The following CEACAM5 variants were observed in gnomAD, a reference collection of about 807,000 sequenced individuals.
CEACAM5 encodes the protein CEA cell adhesion molecule 5.
CEACAM5 carries 52 observed loss-of-function variants against 63.0 expected under a neutral mutation model. The ratio of observed to expected loss-of-function variants is 0.83; its 90% CI spans 0.66 to 1.04. CEACAM5 has a LOEUF of 1.04. Ranked by LOEUF, CEACAM5 falls within the 50% of genes least tolerant of loss-of-function variation. The pLI is 0.00. For missense variants in CEACAM5, 790 were observed against 864.8 expected, an observed-to-expected ratio of 0.91 and a Z score of 1.08; for synonymous variants, 357 against 351.3, an observed-to-expected ratio of 1.02 and a Z score of -0.18.
chr19:41,720,409 C>T (rs1448801744), intron 7 of CEACAM5, among the ~76,000 whole-genome samples: 1 of 152,034 alleles, frequency 6.6e-6, no homozygotes, highest in Non-Finnish European at 1.5e-5. Context: ...CTGCTCCTGT[C>T]CTAGGAGGCT....
chr19:41,730,159 G>A lies in CEACAM5; in HGVS notation c.*1012G>A, dbSNP rs1183083555. On this transcript the variant is annotated 3_prime_UTR_variant, in exon 10 of 10. Transcript: ENST00000221992. ...GTGTGGGCCGGGCGCGGTGGCTCAC[G>A]CCTGTAATCCCAGCACTTTGATCCG... Among the ~76,000 whole-genome samples the A allele has an allele frequency of 6.6e-6, 1 of 152,148 alleles. No individual in the cohort carries two copies. Among genetic ancestry groups the A allele is most frequent in the Non-Finnish European group, 1.5e-5 (1 of 68,024 alleles).
chr19:41,717,854 C>A (rs2072552627), intron 5 of CEACAM5, 121 bp downstream of exon 5: 2 of 1,298,676 alleles, frequency 1.5e-6, no homozygotes, highest in Non-Finnish European at 2.2e-6. Flanking sequence ...GACATCCAGG[C>A]TGGCCCTACC....
intron 8 of CEACAM5, among the ~76,000 whole-genome samples, chr19:41,724,849 A>G (rs1276835750): frequency 6.6e-6 from 1 of 152,124 alleles, no homozygotes; most frequent in Non-Finnish European, 1.5e-5. Context: ...TTATTTATTA[A>G]CTCTAACAAG....
chr19:41,712,258 G>A (rs1422618170), intron 2 of CEACAM5, among the ~76,000 whole-genome samples: 2 of 152,228 alleles, frequency 1.3e-5, no homozygotes, highest in Non-Finnish European at 2.9e-5. Flanking sequence ...GGCAGGTGCT[G>A]TCTGATAGGT....
At chr19:41,709,524 C>T (rs1489406173) in intron 1 of CEACAM5, among the ~76,000 whole-genome samples, 156 bp from the exon 2 acceptor site, 1 of 142,826 alleles carries the variant, frequency 7.0e-6, no homozygotes, top group Non-Finnish European at 1.5e-5. Context: ...CACTGCTGAC[C>T]TTGACCTAGT....
intron 4 of CEACAM5, 133 bp downstream of exon 4, chr19:41,716,037 T>C (rs547636501): frequency 2.0e-6 from 2 of 990,908 alleles, no homozygotes; most frequent in Admixed American, 4.6e-5. Flanking sequence ...ATTCTCCCAC[T>C]GAACCTCCCC....
At chr19:41,713,673 G>T (rs2072472590) in intron 2 of CEACAM5, among the ~76,000 whole-genome samples, 1 of 152,194 alleles carries the variant, frequency 6.6e-6, no homozygotes, top group Non-Finnish European at 1.5e-5. Context: ...GAATCCTACA[G>T]TATCTGCCCT....
intron 8 of CEACAM5, among the ~76,000 whole-genome samples, chr19:41,722,717 C>T (rs1007750595): frequency 2.0e-5 from 3 of 152,232 alleles, no homozygotes; most frequent in Non-Finnish European, 4.4e-5. Flanking sequence ...GGATACACCT[C>T]ATTTTTCTAT....
chr19:41,721,012 C>T lies in CEACAM5; in HGVS notation c.1862C>T (p.Pro621Leu). The T allele has an allele frequency of 1.9e-6, 3 of 1,614,194 alleles. No homozygotes were observed. The highest frequency in any genetic ancestry group is 2.5e-6 in the Non-Finnish European group (3 of 1,180,046). ...CTCTCCTGCCACTCGGCCTCTAACC[C>T]ATCCCCGCAGTATTCTTGGCGTATC... ...LNLSCHSASN[P>L]SPQYSWRING... Residue 621 changes from proline to leucine, a missense_variant, in exon 8 of 10, where the codon CCA (proline) becomes CTA (leucine). Transcript: ENST00000221992.
rs782317994 is a variant in CEACAM5 at position 41,708,731 on chromosome 19, C to A, written c.-1C>A. 6.2e-7 allele frequency: 1 copy of A among 1,610,118 alleles called. No individual in the cohort carries two copies. Among genetic ancestry groups the A allele is most frequent in the South Asian group, 1.1e-5 (1 of 90,544 alleles). On this transcript the variant is annotated 5_prime_UTR_variant, in exon 1 of 10. Transcript: ENST00000221992. ...GGAGGACAGAGCAGACAGCAGAGAC[C>A]ATGGAGTCTCCCTCGGCCCCTCCCC... is the stretch of plus-strand genomic sequence containing the variant.
Position 41,717,621 on chromosome 19 carries a change from C to T in CEACAM5, c.1125C>T (p.Asn375=), listed in dbSNP as rs1555815279. ...CCAGGCTGCAGCTGTCCAATGACAA[C>T]AGGACCCTCACTCTACTCAGTGTCA... ...VSPRLQLSND[N]RTLTLLSVTR... The change falls in exon 5 of 10, where the codon AAC becomes AAT. Residue 375 remains asparagine (N), a synonymous_variant. Coordinates refer to ENST00000221992, the MANE Select transcript of CEACAM5 (RefSeq NM_004363.6). 1.9e-6 allele frequency: 3 copies of T among 1,614,106 alleles called. No individual in the cohort carries two copies. In the South Asian group the frequency reaches 3.3e-5, roughly 18 times the overall value.
chr19:41,723,081 T>A (rs1347813046), intron 8 of CEACAM5, among the ~76,000 whole-genome samples: 4 of 152,092 alleles, frequency 2.6e-5, no homozygotes, highest in Admixed American at 6.5e-5. Flanking sequence ...CTAATTTTTT[T>A]TTTTTTATTT....
chr19:41,711,621 C>T (rs1333359656), intron 2 of CEACAM5, among the ~76,000 whole-genome samples: 2 of 152,140 alleles, frequency 1.3e-5, no homozygotes, highest in Non-Finnish European at 2.9e-5. Flanking sequence ...GTTTTCAAGG[C>T]TCCCTGGTCC....
At chr19:41,712,353 G>A (rs563809254) in intron 2 of CEACAM5, among the ~76,000 whole-genome samples, 119 of 152,326 alleles carry the variant, frequency 7.8e-4, no homozygotes, top group African/African-American at 2.8e-3. Context: ...AAGTGAACCA[G>A]CCACTGGCGT....
chr19:41,716,051 A>C, intron 4 of CEACAM5, 147 bp downstream of exon 4: 7 of 867,480 alleles, frequency 8.1e-6, no homozygotes, highest in Middle Eastern at 2.4e-4. Flanking sequence ...CCTCCCCAAT[A>C]TGTCTCTACA....
chr19:41,727,292 G>A lies in CEACAM5; in HGVS notation c.2085G>A (p.Val695=), dbSNP rs371856330. The change falls in exon 9 of 10, where the codon GTG becomes GTA. Residue 695 remains valine (V), a synonymous_variant. Coordinates refer to ENST00000221992, the MANE Select transcript of CEACAM5 (RefSeq NM_004363.6). ...AGATVGIMIG[V]LVGVALI ...CCACTGTCGGCATCATGATTGGAGT[G>A]CTGGTTGGGGTTGCTCTGATATAGC... is the stretch of plus-strand genomic sequence containing the variant. The A allele has an allele frequency of 6.8e-5, 109 of 1,614,008 alleles. 1 individual carries two copies. Among genetic ancestry groups the A allele is most frequent in the Middle Eastern group, 4.9e-4 (3 of 6,062 alleles).
chr19:41,728,803 A>AAAAAAAAAAAC (rs1230457032), intron 9 of CEACAM5, among the ~76,000 whole-genome samples: 1 of 151,392 alleles, frequency 6.6e-6, no homozygotes, highest in Admixed American at 6.6e-5. Flanking sequence ...AAAAAAAAAA[A>AAAAAAAAAAAC]AAGAATTGCC....
chr19:41,719,581 C>T (rs947125688), intron 6 of CEACAM5, among the ~76,000 whole-genome samples: 11 of 152,156 alleles, frequency 7.2e-5, no homozygotes, highest in African/African-American at 1.2e-4. Context: ...TGCAGCTGAA[C>T]GGAATTCAGC....
Position 41,717,440 on chromosome 19 carries a change from C to G in CEACAM5, c.959-15C>G, listed in dbSNP as rs2072544144. ...GGTGCCACACAGGGCAATCTTCTCT[C>G]TGTTATCTGCACAGCAGAGCCACCC... On this transcript the variant is annotated splice_polypyrimidine_tract_variant and intron_variant, in intron 4 of 9. Coordinates refer to ENST00000221992, the MANE Select transcript of CEACAM5 (RefSeq NM_004363.6). The G allele has an allele frequency of 6.2e-7, 1 of 1,606,588 alleles. No homozygotes were observed. Among genetic ancestry groups the G allele is most frequent in the South Asian group, 1.1e-5 (1 of 89,972 alleles).
Sources: allele counts gnomAD v4.1 joint callset (sites outside exome capture counted in the v4.1 genomes callset), GRCh38; gene constraint gnomAD v4.1.1; transcripts MANE v1.5; gene names NCBI Gene and HGNC (gene_info 2026-07-23, HGNC 2026-07-21).